PDE4D: variants seen among roughly 807,000 people sequenced by gnomAD.
PDE4D encodes phosphodiesterase 4D.
A neutral mutation model predicts 87.4 loss-of-function variants in PDE4D; 24 were observed. The ratio of observed to expected loss-of-function variants is 0.27; its 90% confidence interval spans 0.20 to 0.39. The LOEUF (loss-of-function observed/expected upper bound fraction) is 0.39, where lower values mean the gene tolerates loss of function less well. Among genes scored for constraint, PDE4D ranks in the 10% least tolerant of loss-of-function variants. PDE4D has a pLI of 1.00. For synonymous variants in PDE4D, 384 were observed against 383.2 expected, an observed-to-expected ratio of 1.00 and a Z score of -0.02; for missense variants, 714 against 1,041.0, an observed-to-expected ratio of 0.69 and a Z score of 4.32.
intron 2 of PDE4D, among the ~76,000 whole-genome samples, chr5:60,024,310 A>G (rs1766399174): frequency 6.6e-6 from 1 of 152,206 alleles, no homozygotes; most frequent in Non-Finnish European, 1.5e-5. Context: ...TACTTAAACA[A>G]AAGTTCTGTG....
At chr5:59,242,312 C>T (rs1366583248) in intron 1 of PDE4D, among the ~76,000 whole-genome samples, 1 of 152,108 alleles carries the variant, frequency 6.6e-6, no homozygotes, top group Non-Finnish European at 1.5e-5. Flanking sequence ...TGGAGAACCT[C>T]ACACTTCTTA....
chr5:59,516,955 G>GCA (rs374259919), intron 1 of PDE4D, among the ~76,000 whole-genome samples: 1 of 126,376 alleles, frequency 7.9e-6, no homozygotes, highest in Non-Finnish European at 1.6e-5. Flanking sequence ...ACACACATAG[G>GCA]CACACACACA....
At chr5:59,915,007 G>A (rs1049359484) in intron 3 of PDE4D, among the ~76,000 whole-genome samples, 5 of 151,906 alleles carry the variant, frequency 3.3e-5, no homozygotes, top group African/African-American at 1.2e-4. Context: ...TGGGGTTTCT[G>A]GGGAAGGAGC....
At position 60,324,078 on chromosome 5, in the gene PDE4D, T is replaced by C. The variant is rs146316875; in HGVS notation, c.-89-138391A>G. Among the ~76,000 whole-genome samples the C allele has an allele frequency of 4.2e-3, 644 of 152,296 alleles. 1 individual carries two copies. Among genetic ancestry groups the C allele is most frequent in the Non-Finnish European group, 6.3e-3 (426 of 68,016 alleles). ...CTCACTAAAAGGTAAATAAGCTCTA[T>C]AAGGGCAGGACCTCATCTGTTTCCT... On this transcript the variant is annotated intron_variant, in intron 1 of 16. Transcript: ENST00000502484.
At chr5:59,405,025 A>G (rs1791377909) in intron 1 of PDE4D, among the ~76,000 whole-genome samples, 1 of 152,094 alleles carries the variant, frequency 6.6e-6, no homozygotes, top group Non-Finnish European at 1.5e-5. Context: ...TGATTCCTCC[A>G]GTTTTGTTCT....
At chr5:59,664,292 T>C (rs577529266) in intron 1 of PDE4D, among the ~76,000 whole-genome samples, 1 of 152,332 alleles carries the variant, frequency 6.6e-6, no homozygotes, top group South Asian at 2.1e-4. Context: ...AATCAAGTTG[T>C]CATGTTGGTC....
chr5:60,068,417 G>GTTATTTAT (rs56351714), intron 2 of PDE4D, among the ~76,000 whole-genome samples: 32 of 150,588 alleles, frequency 2.1e-4, no homozygotes, highest in Non-Finnish European at 3.5e-4. Context: ...TTTAAATCAG[G>GTTATTTAT]TTATTTATTT....
At chr5:60,420,948 A>C (rs539881286) in intron 1 of PDE4D, among the ~76,000 whole-genome samples, 2 of 152,284 alleles carry the variant, frequency 1.3e-5, no homozygotes, top group South Asian at 2.1e-4. Context: ...GAGCAATCTG[A>C]GATTGACCTG....
At chr5:59,723,602 A>G (rs950280827) in intron 1 of PDE4D, among the ~76,000 whole-genome samples, 1 of 152,144 alleles carries the variant, frequency 6.6e-6, no homozygotes, top group Non-Finnish European at 1.5e-5. Context: ...TATGGATGCA[A>G]TGTCCCTGAT....
At chr5:60,246,437 A>G (rs890429277) in intron 1 of PDE4D, among the ~76,000 whole-genome samples, 14 of 151,762 alleles carry the variant, frequency 9.2e-5, no homozygotes, top group African/African-American at 3.1e-4. Context: ...ATTGAATCTT[A>G]TGCTCTCCAA....
intron 1 of PDE4D, among the ~76,000 whole-genome samples, chr5:59,471,088 A>G (rs1287933582): frequency 6.6e-6 from 1 of 152,114 alleles, no homozygotes; most frequent in Non-Finnish European, 1.5e-5. Context: ...CTAAAAATTA[A>G]AAAATACATA....
intron 1 of PDE4D, among the ~76,000 whole-genome samples, chr5:59,390,688 T>A (rs1463721987): frequency 6.6e-6 from 1 of 152,208 alleles, no homozygotes; most frequent in East Asian, 1.9e-4. Flanking sequence ...CCTTATAAGT[T>A]GTTGTGACTT....
chr5:60,411,784 A>C (rs527742617), intron 1 of PDE4D, among the ~76,000 whole-genome samples: 26 of 152,282 alleles, frequency 1.7e-4, no homozygotes, highest in Non-Finnish European at 3.5e-4. Flanking sequence ...TATTGCTGCA[A>C]TAACTAAGCT....
At chr5:59,581,158 AGAGT>A (rs1824065131) in intron 1 of PDE4D, among the ~76,000 whole-genome samples, 1 of 152,216 alleles carries the variant, frequency 6.6e-6, no homozygotes, top group Non-Finnish European at 1.5e-5. Context: ...ATAGCTAGAC[AGAGT>A]ATTAATGAGC....
At chr5:59,699,607 G>A (rs1293399668) in intron 1 of PDE4D, among the ~76,000 whole-genome samples, 1 of 152,064 alleles carries the variant, frequency 6.6e-6, no homozygotes, top group Non-Finnish European at 1.5e-5. Flanking sequence ...TTATGATGGT[G>A]GTGGAGGTAA....
At chr5:60,026,531 G>A (rs893714882) in intron 2 of PDE4D, among the ~76,000 whole-genome samples, 6 of 152,218 alleles carry the variant, frequency 3.9e-5, no homozygotes, top group Admixed American at 2.0e-4. Context: ...ATACTGAACC[G>A]AATGTATGTG....
At chr5:60,015,679 C>A (rs1681895699) in intron 2 of PDE4D, among the ~76,000 whole-genome samples, 1 of 151,918 alleles carries the variant, frequency 6.6e-6, no homozygotes, top group South Asian at 2.1e-4. Flanking sequence ...AATAGAGTAC[C>A]CTCCATAATG....
chr5:59,151,670 T>C (rs1251564327), intron 5 of PDE4D, among the ~76,000 whole-genome samples: 2 of 152,030 alleles, frequency 1.3e-5, no homozygotes, highest in African/African-American at 4.8e-5. Flanking sequence ...TCACTTTGCC[T>C]TGTGTTTAAA....
At chr5:59,380,952 G>A (rs1031227751) in intron 1 of PDE4D, among the ~76,000 whole-genome samples, 1 of 152,136 alleles carries the variant, frequency 6.6e-6, no homozygotes, top group Non-Finnish European at 1.5e-5. Context: ...AACTGCATTT[G>A]CTCTGCAACA....
Sources: gnomAD v4.1 joint callset for allele counts (sites outside exome capture counted in the v4.1 genomes callset) on GRCh38, gnomAD v4.1.1 for gene constraint, MANE v1.5 for transcripts, NCBI Gene and HGNC (gene_info 2026-07-23, HGNC 2026-07-21) for gene names.